The following RIN3 variants were observed in gnomAD, a reference collection of about 807,000 sequenced individuals.
The protein encoded by RIN3 is RAB5 interacting protein 3.
RIN3 carries 54 observed loss-of-function variants against 76.3 expected under a neutral mutation model. The ratio of observed to expected loss-of-function variants is 0.71; its 90% CI spans 0.57 to 0.89. RIN3 has a LOEUF of 0.89. Ranked by LOEUF, RIN3 falls within the 40% of genes least tolerant of loss-of-function variation. RIN3 has a pLI of 0.00. For synonymous variants in RIN3, 576 were observed against 564.0 expected, an observed-to-expected ratio of 1.02 and a Z score of -0.30; for missense variants, 1,256 against 1,322.1, an observed-to-expected ratio of 0.95 and a Z score of 0.78.
intron 4 of RIN3, among the ~76,000 whole-genome samples, chr14:92,617,801 GAT>G (rs1254235232): frequency 2.0e-5 from 3 of 151,376 alleles, no homozygotes; most frequent in African/African-American, 4.9e-5. Flanking sequence ...CAGCTGCACA[GAT>G]ATGTCTTTGT....
chr14:92,633,904 T>TA, intron 4 of RIN3, among the ~76,000 whole-genome samples: 1 of 152,108 alleles, frequency 6.6e-6, no homozygotes, highest in Middle Eastern at 3.4e-3. Flanking sequence ...TGCATGCACA[T>TA]ATGCTGTGTC....
intron 7 of RIN3, among the ~76,000 whole-genome samples, chr14:92,672,582 A>G (rs1317202402): frequency 1.3e-5 from 2 of 152,168 alleles, no homozygotes; most frequent in Non-Finnish European, 1.5e-5. Context: ...GAGGGGAGAC[A>G]CTTGCCTTAG....
intron 1 of RIN3, 46 bp from the exon 2 acceptor site, chr14:92,555,705 T>C: frequency 6.3e-7 from 1 of 1,595,362 alleles, no homozygotes; most frequent in Non-Finnish European, 8.6e-7. Flanking sequence ...ATAAACCTTC[T>C]CTGGGCTGGC....
chr14:92,583,287 ACT>A (rs1356204205), intron 3 of RIN3, among the ~76,000 whole-genome samples: 1 of 152,100 alleles, frequency 6.6e-6, no homozygotes, highest in Non-Finnish European at 1.5e-5. Context: ...TTGATCTGTG[ACT>A]CTGCTCTGTT....
In RIN3 at chr14:92,685,104, G is replaced by A. The variant is rs749428130; in HGVS notation, c.2585G>A (p.Arg862His). ...EVQDSIHRWE[R>H]RRTLNKARAS... Reference sequence around the variant, plus strand: ...CAGGACTCCATCCACCGCTGGGAGCGCCGGCGTACTCTCAACAAGGCCCGG... The same window carrying A: ...CAGGACTCCATCCACCGCTGGGAGCACCGGCGTACTCTCAACAAGGCCCGG... The change falls in exon 9 of 10, where the codon CGC becomes CAC. Residue 862 changes from arginine (R) to histidine (H), a missense_variant. Arg to His is a conservative substitution (Grantham distance 29). Around this residue, in one of 3 missense-constraint regions of RIN3, gnomAD observed 428 missense variants for 521.2 expected, o/e 0.82. Coordinates refer to ENST00000216487, the MANE Select transcript of RIN3 (RefSeq NM_024832.5). This position sits in a 1 kb window ranked among gnomAD's most constrained non-coding sequence, Gnocchi z 4.7. The A allele has an allele frequency of 9.3e-6, 15 of 1,613,474 alleles. No homozygotes were observed. The highest frequency in any genetic ancestry group is 1.3e-5 in the African/African-American group (1 of 74,920).
At chr14:92,578,057 T>C (rs1474316022) in intron 3 of RIN3, among the ~76,000 whole-genome samples, 2 of 151,838 alleles carry the variant, frequency 1.3e-5, no homozygotes, top group East Asian at 3.9e-4. Flanking sequence ...CTGGGCAACA[T>C]AGAAAGACCC....
chr14:92,616,434 C>CCT (rs1337164486), intron 4 of RIN3, among the ~76,000 whole-genome samples: 1 of 151,218 alleles, frequency 6.6e-6, no homozygotes, highest in Non-Finnish European at 1.5e-5. Context: ...TTTTACTTGG[C>CCT]CTACACTGTA....
intron 7 of RIN3, among the ~76,000 whole-genome samples, chr14:92,667,937 C>T (rs141059306): frequency 2.0e-5 from 3 of 152,296 alleles, no homozygotes; most frequent in East Asian, 3.9e-4. Context: ...CTCACAACCT[C>T]GCTTTTTTAC....
chr14:92,641,176 G>C, intron 4 of RIN3, 62 bp from the exon 5 acceptor site: 1 of 1,300,538 alleles, frequency 7.7e-7, no homozygotes, highest in Non-Finnish European at 1.1e-6. Flanking sequence ...CTCTTCCTTT[G>C]TGGAGGCTGG....
chr14:92,569,502 C>A (rs1898005746), intron 2 of RIN3, among the ~76,000 whole-genome samples: 1 of 152,110 alleles, frequency 6.6e-6, no homozygotes, highest in African/African-American at 2.4e-5. Flanking sequence ...ACTGGCTGCT[C>A]AGGGCCGTCT....
In RIN3 at chr14:92,688,131, A is replaced by G. The variant is rs1481917833; in HGVS notation, c.2837A>G (p.Tyr946Cys). 8.7e-6 allele frequency: 14 copies of G among 1,609,928 alleles called. No homozygotes were observed. Among genetic ancestry groups the G allele is most frequent in the Non-Finnish European group, 1.2e-5 (14 of 1,178,790 alleles). The change falls in exon 10 of 10, where the codon TAC becomes TGC. Residue 946 changes from tyrosine (Y) to cysteine (C), a missense_variant. By Grantham distance (194) the Tyr-to-Cys change is radical. Coordinates refer to ENST00000216487, the MANE Select transcript of RIN3 (RefSeq NM_024832.5). The part of the protein sequence containing the change: ...DDALPHCIKG[Y>C]LLRSEPKRDF... ...GCGCTGCCGCACTGCATCAAGGGCT[A>G]CCTGCTGCGCAGCGAGCCCAAGCGC...
intron 3 of RIN3, among the ~76,000 whole-genome samples, chr14:92,588,316 CT>C (rs1384482016): frequency 6.7e-6 from 1 of 148,716 alleles, no homozygotes; most frequent in East Asian, 2.0e-4. Flanking sequence ...CAACTTCCGC[CT>C]CCTGGGTTCA....
At position 92,585,180 on chromosome 14, in the gene RIN3, T is replaced by G. The variant is rs943898632; in HGVS notation, c.367+7703T>G. 2.6e-5 allele frequency among the ~76,000 whole-genome samples: 4 copies of G among 152,032 alleles called. No homozygotes were observed. The South Asian group carries it at 6.2e-4, about 24-fold the overall frequency. ...GGTGTGTGCCACTGTGCCTGGGTAA[T>G]TTTTTTATTTTTTGTAGAGATGGGG... On this transcript the variant is annotated intron_variant, in intron 3 of 9. Transcript: ENST00000216487.
At chr14:92,542,741 G>A (rs8022749) in intron 1 of RIN3, among the ~76,000 whole-genome samples, 110,931 of 152,188 alleles carry the variant, frequency 0.73, 40,658 homozygotes, top group Middle Eastern at 0.81. Flanking sequence ...ATAAAAAGAA[G>A]TGAAACATTG....
chr14:92,529,018 A>C (rs964961434), intron 1 of RIN3, among the ~76,000 whole-genome samples: 1 of 152,042 alleles, frequency 6.6e-6, no homozygotes, highest in Non-Finnish European at 1.5e-5. Flanking sequence ...CCTGGGCTCC[A>C]AGGAGGGAGG....
chr14:92,585,837 C>T (rs1428512447), intron 3 of RIN3, among the ~76,000 whole-genome samples: 1 of 152,042 alleles, frequency 6.6e-6, no homozygotes, highest in Non-Finnish European at 1.5e-5. Flanking sequence ...CAGTTTCAGT[C>T]CATAAAAAGT....
chr14:92,551,610 G>A (rs1464544769), intron 1 of RIN3, among the ~76,000 whole-genome samples: 1 of 152,166 alleles, frequency 6.6e-6, no homozygotes, highest in Admixed American at 6.5e-5. Flanking sequence ...TCACCACTAT[G>A]TGATGTTGTC....
chr14:92,633,812 A>G (rs1448255343), intron 4 of RIN3, among the ~76,000 whole-genome samples: 1 of 151,978 alleles, frequency 6.6e-6, no homozygotes, highest in Non-Finnish European at 1.5e-5. Context: ...TCAGAATCTC[A>G]TGTAGCTGGA....
rs576950183 is a variant in RIN3 at position 92,648,988 on chromosome 14, T to C, written c.533-2594T>C. Among the ~76,000 whole-genome samples, 114 of 151,660 alleles carry C rather than the reference T, an allele frequency of 7.5e-4. No homozygotes were observed. The highest frequency in any genetic ancestry group is 1.4e-3 in the Non-Finnish European group (97 of 67,878). On this transcript the variant is annotated intron_variant, in intron 5 of 9. Transcript: ENST00000216487. The surrounding 1 kb of genome is among the most constrained non-coding windows in gnomAD (Gnocchi z 4.1). ...AGCGCATGGCACGTGGAGGAAGGAG[T>C]GAACGGCAGATAGAGTGGAGTGAAG... is the stretch of plus-strand genomic sequence containing the variant.
Sources: gnomAD v4.1 joint callset for allele counts (sites outside exome capture counted in the v4.1 genomes callset) on GRCh38, gnomAD v4.1.1 for gene constraint, gnomAD v4.1.1 regional missense constraint, Gnocchi (gnomAD v3.1) non-coding constraint, MANE v1.5 for transcripts, NCBI Gene and HGNC (gene_info 2026-07-23, HGNC 2026-07-21) for gene names.